ARID2: variants seen among roughly 807,000 people sequenced by gnomAD.
ARID2 encodes the protein AT-rich interaction domain 2.
A neutral mutation model predicts 184.6 loss-of-function variants in ARID2; 32 were observed. The observed-to-expected ratio is 0.17, with a 90% CI of 0.13 to 0.23. The LOEUF (loss-of-function observed/expected upper bound fraction) is 0.23. ARID2 is among the 10% of genes least tolerant of loss of function. The pLI, the probability that ARID2 is intolerant of heterozygous loss-of-function variation, is 1.00. For synonymous variants in ARID2, 836 were observed against 772.6 expected (o/e 1.08, Z -1.36); for missense variants, 1,696 against 2,197.6 (o/e 0.77, Z 4.56).
chr12:45,899,083 C>A (rs1395501248), intron 20 of ARID2, among the ~76,000 whole-genome samples: 1 of 150,410 alleles, frequency 6.6e-6, no homozygotes, highest in African/African-American at 2.5e-5. Flanking sequence ...ATCATCCTGG[C>A]CAACATGGTG....
intron 3 of ARID2, among the ~76,000 whole-genome samples, chr12:45,747,353 C>T (rs1410019578): frequency 6.6e-6 from 1 of 152,016 alleles, no homozygotes; most frequent in African/African-American, 2.4e-5. Flanking sequence ...AGGTATTATC[C>T]TCTTGTAGAT....
At chr12:45,730,198 G>T in intron 2 of ARID2, 61 bp downstream of exon 2, 1 of 1,565,342 alleles carries the variant, frequency 6.4e-7, no homozygotes, top group South Asian at 1.1e-5. Context: ...AGTCTCCTTT[G>T]ACCCCGGAGT....
At position 45,850,202 on chromosome 12, in the gene ARID2, C is replaced by A. The variant is rs1435256642; in HGVS notation, c.2079C>A (p.His693Gln). 7 of 1,614,012 alleles carry A rather than the reference C, an allele frequency of 4.3e-6. No homozygotes were observed. In the Admixed American group the frequency reaches 1.2e-4, roughly 27 times the overall value. Reference sequence around the variant, plus strand: ...CACAAAATCCTTCACCTCATACCCACCAGCAACAAAATGCTCCAGTGACTG... The same window carrying A: ...CACAAAATCCTTCACCTCATACCCAACAGCAACAAAATGCTCCAGTGACTG... The part of the protein sequence containing the change: ...RIPQNPSPHT[H>Q]QQQNAPVTVI... The change falls in exon 15 of 21, where the codon CAC (histidine) becomes CAA (glutamine). Residue 693 changes from histidine to glutamine, a missense_variant. His to Gln is a conservative substitution (Grantham distance 24, BLOSUM62 0). Coordinates refer to ENST00000334344, the MANE Select transcript of ARID2 (RefSeq NM_152641.4).
At chr12:45,786,022 C>CA (rs1199117345) in intron 3 of ARID2, among the ~76,000 whole-genome samples, 7 of 151,986 alleles carry the variant, frequency 4.6e-5, no homozygotes, top group Admixed American at 4.6e-4. Flanking sequence ...GGTCATATTT[C>CA]AAAAAACCTT....
intron 3 of ARID2, among the ~76,000 whole-genome samples, chr12:45,788,667 T>TC (rs1364972178): frequency 3.3e-5 from 5 of 152,170 alleles, no homozygotes; most frequent in African/African-American, 1.2e-4. Context: ...TCTTTTGTAT[T>TC]CCCCAAACTG....
chr12:45,836,479 G>A (rs1244186763), intron 6 of ARID2, 110 bp from the exon 7 acceptor site: 15 of 1,029,306 alleles, frequency 1.5e-5, no homozygotes, highest in Non-Finnish European at 1.9e-5. Flanking sequence ...GCCTCTTAAA[G>A]TGCTGGGATT....
At position 45,848,701 on chromosome 12, in the gene ARID2, C is replaced by T. The variant is rs145653206; in HGVS notation, c.1581-135C>T. ...ATTTAGCATATATTTTTGCTACTAACGTATGAGTCAGTGAAATTTGATTAG... is the reference window on the plus strand; with the variant it reads ...ATTTAGCATATATTTTTGCTACTAATGTATGAGTCAGTGAAATTTGATTAG... On this transcript the variant is annotated intron_variant, in intron 12 of 20. Coordinates refer to ENST00000334344, the MANE Select transcript of ARID2 (RefSeq NM_152641.4). 4.1e-4 allele frequency: 249 copies of T among 613,380 alleles called. No individual in the cohort carries two copies. In the African/African-American group the frequency reaches 4.1e-3, roughly 10 times the overall value. The allele number at this position is 613,380 out of a possible 1,614,324, so 38.0% of individuals were successfully genotyped here. A position where few individuals can be genotyped will look rare whatever the true frequency, so the allele number is the denominator to read the frequency against.
At chr12:45,873,558 A>G (rs556781176) in intron 16 of ARID2, among the ~76,000 whole-genome samples, 1 of 152,324 alleles carries the variant, frequency 6.6e-6, no homozygotes, top group Admixed American at 6.5e-5. Flanking sequence ...ATCTAAGATG[A>G]CTTTCAAACA....
rs1055949944 is a variant in ARID2 at position 45,729,760 on chromosome 12, T to C, written c.-77T>C. The C allele has an allele frequency of 1.1e-5, 15 of 1,414,826 alleles. No homozygotes were observed. Among genetic ancestry groups the C allele is most frequent in the Non-Finnish European group, 1.4e-5 (14 of 1,029,784 alleles). The allele number at this position is 1,414,826 out of a possible 1,614,324, so 87.6% of individuals were successfully genotyped here. On this transcript the variant is annotated 5_prime_UTR_variant, in exon 1 of 21. Coordinates refer to ENST00000334344, the MANE Select transcript of ARID2 (RefSeq NM_152641.4). ...CGGCCGAGGAATGGGCTCCGGGCTC[T>C]GGTAGGAAGCGCTGGGAGCGGGGGG...
In ARID2 at chr12:45,871,958, T is replaced by A. The variant is rs150021835; in HGVS notation, c.4922+11009T>A. On this transcript the variant is annotated intron_variant, in intron 16 of 20. Transcript: ENST00000334344. ...ATGTCCATGGGATTGGTAGTAATGG[T>A]CCCTTTTTCATTTCTGATATTAATG... 2.4e-3 allele frequency among the ~76,000 whole-genome samples: 372 copies of A among 152,232 alleles called. 1 individual carries two copies. The highest frequency in any genetic ancestry group is 3.4e-3 in the Non-Finnish European group (233 of 67,988).
rs977794038 is a variant in ARID2, at chr12:45,905,257, G to A, written c.*179G>A. ...CTCTGAGTGAATCCCTTTGTTCTCT[G>A]TTTAAAAAAATCTAAAAAGAAAAAG... On this transcript the variant is annotated 3_prime_UTR_variant, in exon 21 of 21. Coordinates refer to ENST00000334344, the MANE Select transcript of ARID2 (RefSeq NM_152641.4). 4.2e-6 allele frequency: 2 copies of A among 475,928 alleles called. No individual in the cohort carries two copies. Among genetic ancestry groups the A allele is most frequent in the African/African-American group, 2.0e-5 (1 of 49,180 alleles). The allele number at this position is 475,928 out of a possible 1,614,324, so 29.5% of individuals were successfully genotyped here.
chr12:45,802,669 G>A (rs1942528885), intron 3 of ARID2, among the ~76,000 whole-genome samples: 1 of 151,792 alleles, frequency 6.6e-6, no homozygotes. Context: ...TCTCAAGATT[G>A]GCATCACTTA....
chr12:45,905,205 T>G lies in ARID2; in HGVS notation c.*127T>G. ...TGAATTATTTTATCTCCTCCCATGA[T>G]GCTGAGAGGAAGCTTCGTATTCTGA... On this transcript the variant is annotated 3_prime_UTR_variant, in exon 21 of 21. Transcript: ENST00000334344. The G allele has an allele frequency of 1.1e-6, 1 of 928,896 alleles. No individual in the cohort carries two copies. Among genetic ancestry groups the G allele is most frequent in the Non-Finnish European group, 1.5e-6 (1 of 658,938 alleles). 57.5% of individuals were successfully genotyped at this position (928,896 alleles called of 1,614,324 possible).
At chr12:45,858,602 A>G (rs1216598053) in intron 15 of ARID2, among the ~76,000 whole-genome samples, 5 of 152,132 alleles carry the variant, frequency 3.3e-5, no homozygotes, top group Non-Finnish European at 7.4e-5. Flanking sequence ...TATTATTGCC[A>G]TTTATTGAGA....
chr12:45,875,266 A>C (rs1375250638), intron 16 of ARID2, among the ~76,000 whole-genome samples: 1 of 152,248 alleles, frequency 6.6e-6, no homozygotes, highest in Non-Finnish European at 1.5e-5. Context: ...AGTGAGTGGT[A>C]CTGTTTTGAA....
At chr12:45,871,261 G>T (rs941883547) in intron 16 of ARID2, among the ~76,000 whole-genome samples, 1 of 152,128 alleles carries the variant, frequency 6.6e-6, no homozygotes, top group Non-Finnish European at 1.5e-5. Flanking sequence ...TTTTTGGTGG[G>T]TGTCTATTCA....
chr12:45,866,688 T>C (rs922964507), intron 16 of ARID2, among the ~76,000 whole-genome samples: 1 of 152,252 alleles, frequency 6.6e-6, no homozygotes, highest in Non-Finnish European at 1.5e-5. Context: ...ATTTTAACTT[T>C]TTAAATAGAC....
chr12:45,829,619 T>C (rs532549067), intron 6 of ARID2, among the ~76,000 whole-genome samples: 2 of 152,010 alleles, frequency 1.3e-5, no homozygotes, highest in East Asian at 3.9e-4. Context: ...AGATTGTAGA[T>C]TATAAGTTAT....
intron 20 of ARID2, among the ~76,000 whole-genome samples, chr12:45,902,316 G>A (rs1450573832): frequency 6.6e-6 from 1 of 151,584 alleles, no homozygotes; most frequent in African/African-American, 2.4e-5. Context: ...GAAATTATTA[G>A]TTACTTTAAA....
Sources: allele counts gnomAD v4.1 joint callset (sites outside exome capture counted in the v4.1 genomes callset), GRCh38; gene constraint gnomAD v4.1.1; transcripts MANE v1.5; gene names NCBI Gene and HGNC (gene_info 2026-07-23, HGNC 2026-07-21).